The following NHSL1 variants were observed in gnomAD, a reference collection of about 807,000 sequenced individuals.
NHSL1 encodes the protein NHS-like protein 1.
In NHSL1, 48 loss-of-function variants were observed where a neutral mutation model predicts 95.0. That is an observed-to-expected ratio of 0.51 (90% CI 0.40 to 0.64). The LOEUF is 0.64. NHSL1 is among the 30% of genes least tolerant of loss of function. NHSL1 has a pLI of 0.00. For missense variants in NHSL1, 1,971 were observed against 2,077.7 expected (o/e 0.95, Z 1.00); for synonymous variants, 783 against 833.9 (o/e 0.94, Z 1.05).
upstream of NHSL1, among the ~76,000 whole-genome samples, chr6:138,573,108 C>T (rs531619907): frequency 6.6e-6 from 1 of 152,280 alleles, no homozygotes; most frequent in Non-Finnish European, 1.5e-5. Flanking sequence ...GGGGGTTATT[C>T]CTCTCCAACC....
chr6:138,606,694 CT>C (rs1271830278), intron 1 of NHSL1, among the ~76,000 whole-genome samples: 2 of 131,456 alleles, frequency 1.5e-5, no homozygotes, highest in Non-Finnish European at 3.2e-5. Context: ...CTTTTTCTTT[CT>C]TTCTTTCTTT....
At chr6:138,662,598 C>T (rs934596739) in intron 1 of NHSL1, among the ~76,000 whole-genome samples, 25 of 152,280 alleles carry the variant, frequency 1.6e-4, no homozygotes, top group African/African-American at 6.0e-4. Flanking sequence ...TTGCCTCCTC[C>T]TGTGTTTTCT....
intron 1 of NHSL1, among the ~76,000 whole-genome samples, chr6:138,521,779 C>A (rs1781693371): frequency 6.6e-6 from 1 of 152,128 alleles, no homozygotes; most frequent in Non-Finnish European, 1.5e-5. Flanking sequence ...AAGTGGAACA[C>A]CTCATATGGG....
intron 1 of NHSL1, among the ~76,000 whole-genome samples, chr6:138,657,120 AC>A (rs375813561): frequency 1.3e-5 from 2 of 151,920 alleles, no homozygotes; most frequent in African/African-American, 2.4e-5. Context: ...CAAAAAAAAA[AC>A]CCCTGCATTG....
chr6:138,489,742 A>G (rs1470729723), intron 2 of NHSL1, among the ~76,000 whole-genome samples: 1 of 145,556 alleles, frequency 6.9e-6, no homozygotes, highest in African/African-American at 2.6e-5. Context: ...AGCCTGGGCA[A>G]CAGAGCAAGA....
intron 1 of NHSL1, among the ~76,000 whole-genome samples, chr6:138,619,682 G>A (rs913921383): frequency 6.6e-6 from 1 of 152,130 alleles, no homozygotes; most frequent in Non-Finnish European, 1.5e-5. Context: ...ACCACTTCGG[G>A]AGGACAAGGC....
rs186714930 is a variant in NHSL1 at position 138,684,080 on chromosome 6, T to C, written c.96+8396A>G. Among the ~76,000 whole-genome samples the C allele has an allele frequency of 1.6e-4, 24 of 151,638 alleles. 1 individual carries two copies. In the East Asian group the frequency reaches 4.7e-3, roughly 30 times the overall value. On this transcript the variant is annotated intron_variant, in intron 1 of 3. Coordinates refer to the NHSL1 transcript ENST00000491526. ...ACAAAAAATCAGCTGGGCATGGTGGTGCCCACCTGTAGTCCCAGCTACTCG... is the reference window on the plus strand; with the variant it reads ...ACAAAAAATCAGCTGGGCATGGTGGCGCCCACCTGTAGTCCCAGCTACTCG...
intron 5 of NHSL1, among the ~76,000 whole-genome samples, chr6:138,435,728 T>G (rs1776047623): frequency 6.6e-6 from 1 of 152,004 alleles, no homozygotes; most frequent in African/African-American, 2.4e-5. Flanking sequence ...TTTTTTGTTT[T>G]TTTGTTTTTG....
upstream of NHSL1, among the ~76,000 whole-genome samples, chr6:138,548,969 C>T (rs1452893104): frequency 1.3e-5 from 2 of 150,602 alleles, no homozygotes; most frequent in Non-Finnish European, 3.0e-5. Flanking sequence ...AAATTCATGT[C>T]CACCCTCAGA....
At chr6:138,496,775 G>C (rs1220147265) in intron 1 of NHSL1, among the ~76,000 whole-genome samples, 1 of 152,190 alleles carries the variant, frequency 6.6e-6, no homozygotes, top group Non-Finnish European at 1.5e-5. Context: ...GTAAATGTTA[G>C]ACTGTCCTGA....
At chr6:138,619,809 G>T (rs527577164) in intron 1 of NHSL1, among the ~76,000 whole-genome samples, 1 of 152,004 alleles carries the variant, frequency 6.6e-6, no homozygotes, top group African/African-American at 2.4e-5. Context: ...TTAGTCAGGC[G>T]TGGGGGCATA....
chr6:138,458,619 G>A (rs1020231739), intron 3 of NHSL1, among the ~76,000 whole-genome samples: 6 of 152,136 alleles, frequency 3.9e-5, no homozygotes, highest in African/African-American at 9.7e-5. Flanking sequence ...ACAAGGTCAG[G>A]AGATCGAGAC....
At chr6:138,458,833 AAAAAAAAAC>A (rs1308617432) in intron 3 of NHSL1, among the ~76,000 whole-genome samples, 2 of 151,448 alleles carry the variant, frequency 1.3e-5, no homozygotes, top group African/African-American at 4.8e-5. Context: ...TGTCTCAAAA[AAAAAAAAAC>A]AAAAAAAAAA....
At chr6:138,448,002 G>GA (rs1200128475) in intron 3 of NHSL1, among the ~76,000 whole-genome samples, 4 of 152,130 alleles carry the variant, frequency 2.6e-5, no homozygotes, top group South Asian at 2.1e-4. Flanking sequence ...ATTTATATGG[G>GA]AAAAAATCAG....
At chr6:138,473,491 A>G (rs7765573) in intron 2 of NHSL1, 58 bp from the exon 3 acceptor site, 281,125 of 1,344,628 alleles carry the variant, frequency 0.21, 31,008 homozygotes, top group Admixed American at 0.36. Flanking sequence ...ACTCCTCTTT[A>G]CTTACTTTAC....
chr6:138,498,900 T>A (rs530063722), intron 1 of NHSL1, among the ~76,000 whole-genome samples: 2 of 152,266 alleles, frequency 1.3e-5, no homozygotes, highest in East Asian at 1.9e-4. Context: ...GTACAAGAAT[T>A]TCCCCCCTCT....
At chr6:138,503,651 A>T (rs1562333611), upstream of NHSL1, among the ~76,000 whole-genome samples, 1 of 152,168 alleles carries the variant, frequency 6.6e-6, no homozygotes, top group Admixed American at 6.5e-5. Context: ...AATATTTACT[A>T]CCTGGACCTT....
At chr6:138,651,036 C>T in intron 1 of NHSL1, 1 of 404,604 alleles carries the variant, frequency 2.5e-6, no homozygotes, top group Non-Finnish European at 4.8e-6. Flanking sequence ...TAACAAAGTT[C>T]TTCTAAATTA....
chr6:138,455,161 C>T (rs372144354), intron 3 of NHSL1, among the ~76,000 whole-genome samples: 9 of 152,360 alleles, frequency 5.9e-5, no homozygotes, highest in East Asian at 3.9e-4. Flanking sequence ...TGAGCATTGA[C>T]TCATTTGTGT....
Sources: allele counts gnomAD v4.1 joint callset (sites outside exome capture counted in the v4.1 genomes callset), GRCh38; gene constraint gnomAD v4.1.1; transcripts MANE v1.5; gene names NCBI Gene and HGNC (gene_info 2026-07-23, HGNC 2026-07-21).